Variants in ANXA5 observed in about 807,000 individuals in gnomAD.
ANXA5 encodes CBP-I.
A neutral mutation model predicts 48.1 loss-of-function variants in ANXA5; 40 were observed. That is an observed-to-expected ratio of 0.83 (90% CI 0.65 to 1.08). ANXA5 has a LOEUF of 1.08. Among genes scored for constraint, ANXA5 ranks in the 50% least tolerant of loss-of-function variants. The pLI, the probability that ANXA5 is intolerant of heterozygous loss-of-function variation, is 0.00. For missense variants in ANXA5, 357 were observed against 376.8 expected (o/e 0.95, Z 0.44); for synonymous variants, 113 against 129.1 (o/e 0.88, Z 0.85).
In ANXA5 at chr4:121,686,307, C is replaced by T; in HGVS notation, c.75G>A (p.Arg25=). 1 of 1,614,034 alleles carries T rather than the reference C, an allele frequency of 6.2e-7. No individual in the cohort carries two copies. The highest frequency in any genetic ancestry group is 1.7e-5 in the Admixed American group (1 of 60,012). ...FDERADAETL[R]KAMKGLGTDE... ...ATTTACCCAAGCCTTTCATAGCCTT[C>T]CGAAGAGTTTCTGCATCAGCCCGCT... Residue 25 remains arginine (R), a synonymous_variant, in exon 3 of 13, where the codon CGG becomes CGA. Transcript: ENST00000296511.
rs561450659 is a variant in ANXA5, at chr4:121,673,419, T to C, written c.532-793A>G. 1.4e-4 allele frequency among the ~76,000 whole-genome samples: 21 copies of C among 152,304 alleles called. No homozygotes were observed. In the South Asian group the frequency reaches 4.3e-3, roughly 32 times the overall value. On this transcript the variant is annotated intron_variant, in intron 8 of 12. Transcript: ENST00000296511. ...TACTATCCTTTTATTCATTTCAAAC[T>C]AAGTCTACATATTAAAGCAAGATGA... is the stretch of plus-strand genomic sequence containing the variant.
At position 121,674,585 on chromosome 4, in the gene ANXA5, T is replaced by C. The variant is rs145619195; in HGVS notation, c.532-1959A>G. ...GTAGGTACAGGAGTTAAGCCTGTTA[T>C]ATGGGAATAATTGGTGAGATGTCAG... On this transcript the variant is annotated intron_variant, in intron 8 of 12. Coordinates refer to ENST00000296511, the MANE Select transcript of ANXA5 (RefSeq NM_001154.4). Among the ~76,000 whole-genome samples, 209 of 152,086 alleles carry C rather than the reference T, an allele frequency of 1.4e-3. 3 individuals carry two copies. In the East Asian group the frequency reaches 0.037, roughly 27 times the overall value.
Position 121,684,759 on chromosome 4 carries a change from T to C in ANXA5, c.107A>G (p.Glu36Gly), listed in dbSNP as rs201890674. The C allele has an allele frequency of 1.4e-5, 22 of 1,613,790 alleles. No individual in the cohort carries two copies. The East Asian group carries it at 4.9e-4, about 36-fold the overall frequency. ...GGATGTCAACAGAGTCAGGATGCTC[T>C]CCTCATCTGTGCCTGCAATTTATGG... ...KAMKGLGTDE[E>G]SILTLLTSRS... Residue 36 changes from glutamate to glycine, a missense_variant, in exon 4 of 13, where the codon GAG (glutamate) becomes GGG (glycine). Transcript: ENST00000296511.
intron 2 of ANXA5, among the ~76,000 whole-genome samples, chr4:121,694,828 A>G (rs370288465): frequency 6.6e-6 from 1 of 152,194 alleles, no homozygotes; most frequent in East Asian, 1.9e-4. Context: ...TTGATAGAAA[A>G]CAGTCTTGGT....
chr4:121,686,459 T>C, intron 2 of ANXA5, 87 bp from the exon 3 acceptor site: 1 of 892,030 alleles, frequency 1.1e-6, no homozygotes, highest in Non-Finnish European at 1.8e-6. Context: ...TTGCTATATA[T>C]CATATTCAGT....
chr4:121,671,486 A>G, intron 10 of ANXA5, 61 bp downstream of exon 10: 1 of 1,238,538 alleles, frequency 8.1e-7, no homozygotes, highest in Non-Finnish European at 1.2e-6. Flanking sequence ...ATGCAGCCTC[A>G]ATTGAATAAA....
chr4:121,691,563 C>T lies in ANXA5; in HGVS notation c.9+5018G>A, dbSNP rs145384170. ...CCCTCCCCCCACCTCCAGCATTCCA[C>T]GTAATATTAACTAGGAGCTGGAAAT... On this transcript the variant is annotated intron_variant, in intron 2 of 12. Coordinates refer to ENST00000296511, the MANE Select transcript of ANXA5 (RefSeq NM_001154.4). 1.0e-2 allele frequency among the ~76,000 whole-genome samples: 1,517 copies of T among 152,056 alleles called. 9 individuals carry two copies. The highest frequency in any genetic ancestry group is 0.015 in the Non-Finnish European group (1,027 of 68,010).
chr4:121,683,389 GCAT>G lies in ANXA5; in HGVS notation c.275_277del (p.Asp92del). The G allele has an allele frequency of 6.2e-7, 1 of 1,604,834 alleles. No homozygotes were observed. The highest frequency in any genetic ancestry group is 8.5e-7 in the Non-Finnish European group (1 of 1,174,500). ...CTTCAAGGCATGTTTCAGTTCATAA[GCAT>G]CATAAAGCCGAGAGGGTTTCATCAG... On this transcript the variant is annotated inframe_deletion, in exon 5 of 13. Coordinates refer to ENST00000296511, the MANE Select transcript of ANXA5 (RefSeq NM_001154.4).
rs1050606 is a variant in ANXA5 at position 121,696,891 on chromosome 4, A to C, written c.-64T>G. On this transcript the variant is annotated 5_prime_UTR_variant, in exon 1 of 13. Transcript: ENST00000296511. ...GACTGTGGGACCCAAGTGCCCCGAA[A>C]CCCCGGGAGAGCGGCGGAGAGCCGG... 143,648 of 294,552 alleles carry C rather than the reference A, an allele frequency of 0.49. 35,812 individuals are homozygous for C. The highest frequency in any genetic ancestry group is 0.56 in the African/African-American group (25,735 of 45,980). 18.2% of individuals were successfully genotyped at this position (294,552 alleles called of 1,614,324 possible). A position where few individuals can be genotyped will look rare whatever the true frequency, so the allele number is the denominator to read the frequency against.
rs184482135 is a variant in ANXA5 at position 121,673,726 on chromosome 4, C to T, written c.532-1100G>A. On this transcript the variant is annotated intron_variant, in intron 8 of 12. Transcript: ENST00000296511. Reference sequence around the variant, plus strand: ...GGCCATGTGAACATGCTCTTAAAACCTGAAAAGACAGTAACTCTGAAAGTC... The same window carrying T: ...GGCCATGTGAACATGCTCTTAAAACTTGAAAAGACAGTAACTCTGAAAGTC... Among the ~76,000 whole-genome samples the T allele has an allele frequency of 5.9e-5, 9 of 151,952 alleles. No individual in the cohort carries two copies. In the East Asian group the frequency reaches 1.7e-3, roughly 29 times the overall value.
At chr4:121,669,916 G>T (rs753771645) in intron 11 of ANXA5, 38 bp downstream of exon 11, 1 of 1,508,168 alleles carries the variant, frequency 6.6e-7, no homozygotes, top group East Asian at 2.3e-5. Context: ...ATTAGAAAGA[G>T]AAATGTATTA....
At chr4:121,674,196 A>AGGGGG (rs1560824485) in intron 8 of ANXA5, among the ~76,000 whole-genome samples, 1 of 67,044 alleles carries the variant, frequency 1.5e-5, no homozygotes, top group Non-Finnish European at 2.9e-5. Flanking sequence ...AGGGGAGGGG[A>AGGGGG]GGGGAGGGAG....
chr4:121,670,162 T>C (rs917644147), intron 10 of ANXA5, 150 bp from the exon 11 acceptor site: 7 of 583,168 alleles, frequency 1.2e-5, no homozygotes, highest in Non-Finnish European at 2.1e-5. Flanking sequence ...CTAATCTGAT[T>C]TCCTCACTCA....
At chr4:121,695,191 A>T (rs1049883282) in intron 2 of ANXA5, among the ~76,000 whole-genome samples, 1 of 152,246 alleles carries the variant, frequency 6.6e-6, no homozygotes, top group Non-Finnish European at 1.5e-5. Context: ...TTCCACATAA[A>T]AGTATCCTTT....
intron 8 of ANXA5, among the ~76,000 whole-genome samples, chr4:121,676,047 C>T (rs1193754190): frequency 6.6e-6 from 1 of 152,198 alleles, no homozygotes; most frequent in African/African-American, 2.4e-5. Flanking sequence ...TGGTTTCTTA[C>T]ACTGTGACCC....
At chr4:121,669,916 G>C in intron 11 of ANXA5, 38 bp downstream of exon 11, 5 of 1,508,168 alleles carry the variant, frequency 3.3e-6, no homozygotes, top group Non-Finnish European at 4.5e-6. Context: ...ATTAGAAAGA[G>C]AAATGTATTA....
At chr4:121,671,103 C>A (rs1203431291) in intron 10 of ANXA5, among the ~76,000 whole-genome samples, 1 of 152,132 alleles carries the variant, frequency 6.6e-6, no homozygotes, top group Non-Finnish European at 1.5e-5. Context: ...TGAAAACAAC[C>A]ATCATCACAT....
chr4:121,672,778 C>A, intron 8 of ANXA5, 152 bp from the exon 9 acceptor site: 2 of 637,918 alleles, frequency 3.1e-6, no homozygotes, highest in Non-Finnish European at 5.5e-6. Context: ...TACTCTGAAA[C>A]TCAGCTCACT....
At chr4:121,676,220 C>G (rs1328280629) in intron 8 of ANXA5, among the ~76,000 whole-genome samples, 1 of 152,158 alleles carries the variant, frequency 6.6e-6, no homozygotes, top group South Asian at 2.1e-4. Flanking sequence ...TGCTCTAGCC[C>G]TCTTCCCGAA....
Sources: gnomAD v4.1 joint callset for allele counts (sites outside exome capture counted in the v4.1 genomes callset) on GRCh38, gnomAD v4.1.1 for gene constraint, MANE v1.5 for transcripts, NCBI Gene and HGNC (gene_info 2026-07-23, HGNC 2026-07-21) for gene names.